Variants in RBFOX1 observed in about 807,000 individuals in gnomAD.
The protein encoded by RBFOX1 is RNA binding fox-1 homolog 1, also known as RNA binding protein fox-1 homolog 1.
In RBFOX1, 8 loss-of-function variants were observed where a neutral mutation model predicts 57.7. The observed-to-expected ratio is 0.14, with a 90% CI of 0.08 to 0.25. The LOEUF (loss-of-function observed/expected upper bound fraction) is 0.25. Ranked by LOEUF, RBFOX1 falls within the 10% of genes least tolerant of loss-of-function variation. RBFOX1 has a pLI of 1.00. For synonymous variants in RBFOX1, 326 were observed against 222.4 expected, an observed-to-expected ratio of 1.47 and a Z score of -4.15; for missense variants, 611 against 548.5, an observed-to-expected ratio of 1.11 and a Z score of -1.14.
intron 4 of RBFOX1, among the ~76,000 whole-genome samples, chr16:7,380,193 AACTATATC>A (rs2097762565): frequency 6.6e-6 from 1 of 152,142 alleles, no homozygotes; most frequent in South Asian, 2.1e-4. Flanking sequence ...GGTATGTCTG[AACTATATC>A]ACATCATGAT....
intron 4 of RBFOX1, among the ~76,000 whole-genome samples, chr16:7,249,601 TA>T (rs202035763): frequency 0.02 from 2,913 of 146,700 alleles, 57 homozygotes; most frequent in East Asian, 0.05. Flanking sequence ...CTTCTTTCTT[TA>T]AAAAAAAAAA....
intron 4 of RBFOX1, among the ~76,000 whole-genome samples, chr16:7,333,946 A>C (rs2096738217): frequency 6.6e-6 from 1 of 152,186 alleles, no homozygotes; most frequent in South Asian, 2.1e-4. Flanking sequence ...ATCCCTTTGC[A>C]ATAAATTCTG....
intron 5 of RBFOX1, 125 bp from the exon 6 acceptor site, chr16:7,579,652 A>T: frequency 1.6e-6 from 2 of 1,216,960 alleles, no homozygotes; most frequent in Non-Finnish European, 2.3e-6. Flanking sequence ...ATGCGTCAGC[A>T]TTTTCTTCCC....
At chr16:5,534,705 C>T (rs1364474801) in intron 2 of RBFOX1, among the ~76,000 whole-genome samples, 2 of 152,178 alleles carry the variant, frequency 1.3e-5, no homozygotes, top group Non-Finnish European at 2.9e-5. Flanking sequence ...TCCACTGACT[C>T]ACGTGTTAAC....
chr16:7,102,051 G>C (rs1306536418), intron 4 of RBFOX1, among the ~76,000 whole-genome samples: 2 of 152,124 alleles, frequency 1.3e-5, no homozygotes, highest in Non-Finnish European at 2.9e-5. Flanking sequence ...CCCATGCTGG[G>C]CTGGCCCCAC....
chr16:7,580,505 GTTC>G (rs2093675529), intron 6 of RBFOX1, among the ~76,000 whole-genome samples: 1 of 152,044 alleles, frequency 6.6e-6, no homozygotes. Flanking sequence ...TGAAGTCTAC[GTTC>G]TTCTGAAATC....
At chr16:5,894,738 A>G (rs547854963) in intron 4 of RBFOX1, among the ~76,000 whole-genome samples, 1 of 151,854 alleles carries the variant, frequency 6.6e-6, no homozygotes, top group South Asian at 2.1e-4. Context: ...ATTCATCTAC[A>G]GGGCCAGGCG....
intron 4 of RBFOX1, among the ~76,000 whole-genome samples, chr16:5,977,914 C>T (rs2060097092): frequency 6.6e-6 from 1 of 151,718 alleles, no homozygotes; most frequent in African/African-American, 2.4e-5. Context: ...TTCCTTTATT[C>T]CCTGCTAAAA....
At chr16:6,993,212 TG>T (rs151208117) in intron 3 of RBFOX1, among the ~76,000 whole-genome samples, 10,053 of 152,282 alleles carry the variant, frequency 0.066, 402 homozygotes, top group South Asian at 0.17. Context: ...TATTGATAGC[TG>T]TGCAATGACT....
intron 2 of RBFOX1, among the ~76,000 whole-genome samples, chr16:6,482,652 A>G (rs557809728): frequency 6.6e-6 from 1 of 152,302 alleles, no homozygotes; most frequent in South Asian, 2.1e-4. Context: ...CGTAACGTGG[A>G]AAAAGAGTTG....
intron 2 of RBFOX1, among the ~76,000 whole-genome samples, chr16:6,596,326 T>C (rs998057980): frequency 2.0e-5 from 3 of 152,208 alleles, no homozygotes; most frequent in African/African-American, 7.2e-5. Flanking sequence ...TATCTTTGCA[T>C]ATGGATATCC....
intron 1 of RBFOX1, chr16:6,038,214 C>T (rs1383639615): frequency 2.0e-5 from 3 of 148,792 alleles, no homozygotes; most frequent in Non-Finnish European, 4.4e-5. Flanking sequence ...ATCTAACTCA[C>T]CCTGTCATCC....
At chr16:5,760,520 G>A (rs940760818) in intron 3 of RBFOX1, among the ~76,000 whole-genome samples, 18 of 152,268 alleles carry the variant, frequency 1.2e-4, no homozygotes, top group South Asian at 2.1e-4. Context: ...TCCATCAACA[G>A]AGGAGAAGAT....
intron 2 of RBFOX1, among the ~76,000 whole-genome samples, chr16:6,537,342 C>G (rs936673166): frequency 6.6e-6 from 1 of 152,218 alleles, no homozygotes; most frequent in South Asian, 2.1e-4. Flanking sequence ...GAATTGCATC[C>G]AGAGGAGAAA....
At chr16:7,688,463 A>C (rs2076599661) in intron 14 of RBFOX1, among the ~76,000 whole-genome samples, 1 of 152,012 alleles carries the variant, frequency 6.6e-6, no homozygotes, top group Non-Finnish European at 1.5e-5. Context: ...TTTACGTCCC[A>C]CCTGCCCGCA....
intron 4 of RBFOX1, among the ~76,000 whole-genome samples, chr16:5,922,699 T>A (rs190770822): frequency 2.6e-5 from 4 of 152,326 alleles, no homozygotes; most frequent in African/African-American, 9.6e-5. Context: ...TTCATTCTCC[T>A]TACCCAGATT....
chr16:6,158,587 T>C (rs2096855143), intron 1 of RBFOX1, among the ~76,000 whole-genome samples: 1 of 152,208 alleles, frequency 6.6e-6, no homozygotes, highest in African/African-American at 2.4e-5. Context: ...TTTTTTAGTT[T>C]CTTTTAAATT....
At chr16:7,367,487 C>G (rs28658399) in intron 4 of RBFOX1, among the ~76,000 whole-genome samples, 1 of 152,128 alleles carries the variant, frequency 6.6e-6, no homozygotes, top group African/African-American at 2.4e-5. Flanking sequence ...CGTGGCCTCT[C>G]AGGAAAGAGA....
intron 4 of RBFOX1, among the ~76,000 whole-genome samples, chr16:5,969,113 C>T (rs1012662924): frequency 1.3e-5 from 2 of 151,944 alleles, no homozygotes; most frequent in South Asian, 4.2e-4. Flanking sequence ...ATATTGTTTT[C>T]CATTTCTTGT....
Sources: allele counts gnomAD v4.1 joint callset (sites outside exome capture counted in the v4.1 genomes callset), GRCh38; gene constraint gnomAD v4.1.1; transcripts MANE v1.5; gene names NCBI Gene and HGNC (gene_info 2026-07-23, HGNC 2026-07-21).